The following SUPT3H variants were observed in gnomAD, a reference collection of about 807,000 sequenced individuals.
SUPT3H encodes SPT3 homolog, SAGA and STAGA complex component.
A neutral mutation model predicts 44.3 loss-of-function variants in SUPT3H; 44 were observed. The ratio of observed to expected loss-of-function variants is 0.99; its 90% CI spans 0.78 to 1.28. The LOEUF (loss-of-function observed/expected upper bound fraction) is 1.28. SUPT3H is among the 50% of genes most tolerant of loss of function. The pLI, the probability that SUPT3H is intolerant of heterozygous loss-of-function variation, is 0.00. For missense variants in SUPT3H, 380 were observed against 387.1 expected (o/e 0.98, Z 0.15); for synonymous variants, 124 against 125.6 (o/e 0.99, Z 0.09).
chr6:44,855,850 C>T (rs1387621224), intron 10 of SUPT3H, among the ~76,000 whole-genome samples: 2 of 152,014 alleles, frequency 1.3e-5, no homozygotes, highest in Non-Finnish European at 2.9e-5. Context: ...TACTGTCTGC[C>T]ATTATGCCTC....
intron 2 of SUPT3H, among the ~76,000 whole-genome samples, chr6:45,294,296 C>G (rs183193251): frequency 6.6e-6 from 1 of 152,234 alleles, no homozygotes; most frequent in East Asian, 1.9e-4. Flanking sequence ...ATGATTAAAA[C>G]TCTTGGCAAA....
chr6:44,819,378 T>G (rs945601957), intron 11 of SUPT3H, among the ~76,000 whole-genome samples: 1 of 152,056 alleles, frequency 6.6e-6, no homozygotes, highest in African/African-American at 2.4e-5. Context: ...GTTCTTTTAT[T>G]TTTATTGTGA....
intron 3 of SUPT3H, among the ~76,000 whole-genome samples, chr6:45,089,141 A>G (rs1271392617): frequency 6.6e-6 from 1 of 152,060 alleles, no homozygotes; most frequent in African/African-American, 2.4e-5. Flanking sequence ...GCTTGCCAAG[A>G]GTAGCCTATA....
Position 45,214,015 on chromosome 6 carries a change from C to CAAAAAAAA in SUPT3H, c.102-108017_102-108010dup, listed in dbSNP as rs11418358. Among the ~76,000 whole-genome samples the CAAAAAAAA allele has an allele frequency of 3.2e-3, 236 of 73,944 alleles. 1 individual carries two copies. The highest frequency in any genetic ancestry group is 4.8e-3 in the East Asian group (10 of 2,076). The allele number at this position is 73,944 out of a possible 152,430, so 48.5% of individuals were successfully genotyped here. A position where few individuals can be genotyped will look rare whatever the true frequency, so the allele number is the denominator to read the frequency against. On this transcript the variant is annotated intron_variant, in intron 2 of 10. Coordinates refer to ENST00000371459, the MANE Select transcript of SUPT3H (RefSeq NM_003599.4). Reference sequence around the variant, plus strand: ...GAAAGCCTTTTGAGATTTTGAAATGCAAAAAAAAAAAAAAAAAAAACAAGT... The same window carrying CAAAAAAAA: ...GAAAGCCTTTTGAGATTTTGAAATGCAAAAAAAAAAAAAAAAAAAAAAAAAAAACAAGT...
chr6:45,342,671 A>G (rs183517767), intron 2 of SUPT3H, among the ~76,000 whole-genome samples: 19 of 151,984 alleles, frequency 1.3e-4, no homozygotes, highest in African/African-American at 4.3e-4. Flanking sequence ...CTTTTTTTTT[A>G]TTTGCCAATA....
intron 6 of SUPT3H, among the ~76,000 whole-genome samples, chr6:44,994,145 T>A (rs1338648562): frequency 6.6e-6 from 1 of 152,108 alleles, no homozygotes; most frequent in Admixed American, 6.6e-5. Flanking sequence ...GATACTTACT[T>A]TTGATTGGTC....
chr6:45,294,050 C>T (rs1270238172), intron 2 of SUPT3H, among the ~76,000 whole-genome samples: 1 of 152,096 alleles, frequency 6.6e-6, no homozygotes, highest in African/African-American at 2.4e-5. Flanking sequence ...AAACTACAGA[C>T]CAATAACCCT....
intron 10 of SUPT3H, among the ~76,000 whole-genome samples, chr6:44,867,921 T>C (rs373500041): frequency 2.0e-5 from 3 of 152,096 alleles, no homozygotes; most frequent in African/African-American, 4.8e-5. Flanking sequence ...TCCTCCTCCT[T>C]CTCTTTTTCT....
intron 2 of SUPT3H, among the ~76,000 whole-genome samples, chr6:45,139,227 C>T (rs1440549972): frequency 6.6e-6 from 1 of 152,038 alleles, no homozygotes; most frequent in Non-Finnish European, 1.5e-5. Flanking sequence ...ATATAATTGG[C>T]AATAAAAACA....
At chr6:45,100,541 T>TAAA (rs58120512) in intron 3 of SUPT3H, among the ~76,000 whole-genome samples, 24 of 33,452 alleles carry the variant, frequency 7.2e-4, no homozygotes, top group African/African-American at 1.8e-3. Flanking sequence ...ACCCTGTACT[T>TAAA]AAAAAAAAAA....
At chr6:45,367,117 A>G (rs1408941332) in intron 1 of SUPT3H, among the ~76,000 whole-genome samples, 2 of 152,140 alleles carry the variant, frequency 1.3e-5, no homozygotes, top group African/African-American at 2.4e-5. Context: ...AGCTTTTGAG[A>G]AGGCGACAGG....
intron 2 of SUPT3H, among the ~76,000 whole-genome samples, chr6:45,139,163 T>G (rs567630021): frequency 6.6e-6 from 1 of 152,288 alleles, no homozygotes; most frequent in South Asian, 2.1e-4. Flanking sequence ...TAAATTAAAA[T>G]CAAAGCTAAA....
chr6:44,884,248 GA>G (rs1778748417), intron 10 of SUPT3H, among the ~76,000 whole-genome samples: 1 of 152,122 alleles, frequency 6.6e-6, no homozygotes, highest in Non-Finnish European at 1.5e-5. Flanking sequence ...CAACAAACGT[GA>G]AAAAAAGCTC....
intron 2 of SUPT3H, among the ~76,000 whole-genome samples, chr6:45,285,730 T>C (rs1432582995): frequency 1.3e-5 from 2 of 152,038 alleles, no homozygotes; most frequent in Non-Finnish European, 2.9e-5. Context: ...CTTCACAGAA[T>C]TGGAAAAAAC....
intron 6 of SUPT3H, among the ~76,000 whole-genome samples, chr6:44,964,390 A>G (rs1472519214): frequency 6.6e-6 from 1 of 152,184 alleles, no homozygotes; most frequent in African/African-American, 2.4e-5. Flanking sequence ...ATGTTCCTAA[A>G]GGGATTCTTA....
chr6:45,079,607 G>C (rs527333931), intron 3 of SUPT3H, among the ~76,000 whole-genome samples: 3 of 152,114 alleles, frequency 2.0e-5, no homozygotes, highest in African/African-American at 7.2e-5. Flanking sequence ...CAGATACACA[G>C]AACAGTGGAA....
At chr6:45,002,857 TA>T (rs1159107549) in intron 6 of SUPT3H, among the ~76,000 whole-genome samples, 1 of 91,980 alleles carries the variant, frequency 1.1e-5, no homozygotes, top group East Asian at 3.2e-4. Context: ...ATAGAAACTA[TA>T]AAAAAGTTGG....
intron 2 of SUPT3H, among the ~76,000 whole-genome samples, chr6:45,168,150 C>G (rs1477764558): frequency 6.6e-6 from 1 of 152,076 alleles, no homozygotes; most frequent in African/African-American, 2.4e-5. Context: ...TACCTCTCAC[C>G]AAAGAATCAA....
At chr6:45,038,086 T>TCTAA (rs1787957614) in intron 3 of SUPT3H, among the ~76,000 whole-genome samples, 1 of 152,124 alleles carries the variant, frequency 6.6e-6, no homozygotes, top group Non-Finnish European at 1.5e-5. Flanking sequence ...GAATCCACAG[T>TCTAA]CTTGTTAGAG....
Sources: allele counts gnomAD v4.1 joint callset (sites outside exome capture counted in the v4.1 genomes callset), GRCh38; gene constraint gnomAD v4.1.1; transcripts MANE v1.5; gene names NCBI Gene and HGNC (gene_info 2026-07-23, HGNC 2026-07-21).